CCDC9: variants seen among roughly 807,000 people sequenced by gnomAD.
The protein encoded by CCDC9 is coiled-coil domain containing 9, also known as coiled-coil domain-containing protein 9.
In CCDC9, 52 loss-of-function variants were observed where a neutral mutation model predicts 65.6. That is an observed-to-expected ratio of 0.79 (90% CI 0.63 to 1.00). The LOEUF is 1.00. Among genes scored for constraint, CCDC9 ranks in the 50% least tolerant of loss-of-function variants. The pLI, the probability that CCDC9 is intolerant of heterozygous loss-of-function variation, is 0.00. For synonymous variants in CCDC9, 332 were observed against 280.3 expected, an observed-to-expected ratio of 1.18 and a Z score of -1.84; for missense variants, 834 against 757.2, an observed-to-expected ratio of 1.10 and a Z score of -1.19.
downstream of CCDC9, chr19:47,274,491 T>G: frequency 6.5e-6 from 1 of 153,994 alleles, no homozygotes. Context: ...AGTAGAGCAG[T>G]CCGACAGGTA....
intron 3 of CCDC9, among the ~76,000 whole-genome samples, chr19:47,259,962 A>T (rs961868532): frequency 1.3e-5 from 2 of 152,204 alleles, no homozygotes; most frequent in Admixed American, 1.3e-4. Flanking sequence ...TGTTCCTGGC[A>T]GAGGGATCCG....
chr19:47,257,170 C>G (rs532733417), intron 1 of CCDC9, among the ~76,000 whole-genome samples: 1 of 150,324 alleles, frequency 6.7e-6, no homozygotes, highest in African/African-American at 2.5e-5. Context: ...GAGCCAGAAC[C>G]CTGGGGAAGC....
chr19:47,265,089 G>A (rs1440748404), intron 7 of CCDC9, 143 bp downstream of exon 7: 2 of 649,652 alleles, frequency 3.1e-6, no homozygotes, highest in Non-Finnish European at 4.5e-6. Context: ...ACGGATTCTC[G>A]CTCTGTCACC....
At chr19:47,266,833 A>G (rs757332323) in intron 8 of CCDC9, 41 bp downstream of exon 8, 8 of 1,568,820 alleles carry the variant, frequency 5.1e-6, no homozygotes, top group Non-Finnish European at 6.9e-6. Flanking sequence ...TGGCACGTTG[A>G]CCTTGGCCCT....
chr19:47,264,996 G>A (rs1271126851), intron 7 of CCDC9, 50 bp downstream of exon 7: 3 of 1,402,850 alleles, frequency 2.1e-6, no homozygotes, highest in Non-Finnish European at 2.8e-6. Flanking sequence ...CTTTGATGGG[G>A]ACTGCATAGC....
At chr19:47,270,920 C>G (rs549989438) in intron 10 of CCDC9, among the ~76,000 whole-genome samples, 162 bp from the exon 11 acceptor site, 1 of 152,190 alleles carries the variant, frequency 6.6e-6, no homozygotes, top group Admixed American at 6.5e-5. Flanking sequence ...GCCCCACTTT[C>G]GTTCTGTCCT....
In CCDC9 at chr19:47,264,932, G is replaced by C; in HGVS notation, c.706G>C (p.Glu236Gln). 6.9e-7 allele frequency: 1 copy of C among 1,450,664 alleles called. No homozygotes were observed. Among genetic ancestry groups the C allele is most frequent in the Non-Finnish European group, 9.0e-7 (1 of 1,105,462 alleles). The allele number at this position is 1,450,664 out of a possible 1,614,324, so 89.9% of individuals were successfully genotyped here. A position where few individuals can be genotyped will look rare whatever the true frequency, so the allele number is the denominator to read the frequency against. ...CTTCGAGCGGGTGCGCTGTGGCCTT[G>C]AGCACGAGCGGCAGGTGGGTGTTGG... ...PDFERVRCGLEHERQGRRAGL... is the reference protein window; with the variant it reads ...PDFERVRCGLQHERQGRRAGL... The change falls in exon 7 of 12, where the codon GAG becomes CAG. Residue 236 changes from glutamate (E) to glutamine (Q), a missense_variant. Physicochemically the swap from Glu to Gln is conservative, Grantham distance 29. Transcript: ENST00000221922.
chr19:47,258,452 G>A, intron 2 of CCDC9, 49 bp downstream of exon 2: 2 of 1,613,168 alleles, frequency 1.2e-6, no homozygotes, highest in East Asian at 2.2e-5. Flanking sequence ...GGGGAAGGGG[G>A]CTTGGGAGGA....
chr19:47,273,267 G>C (rs1185242474), downstream of CCDC9: 1 of 771,054 alleles, frequency 1.3e-6, no homozygotes, highest in African/African-American at 1.8e-5. Context: ...AACTGGATGA[G>C]AGACGTGGCT....
chr19:47,274,052 T>G (rs1022366649), downstream of CCDC9: 46 of 866,612 alleles, frequency 5.3e-5, no homozygotes, highest in Non-Finnish European at 6.4e-5. Flanking sequence ...GGGGTTTATC[T>G]GGATTTCCAG....
In CCDC9 at chr19:47,271,728, T is replaced by C. The variant is rs1016207402; in HGVS notation, c.*50T>C. 2.8e-5 allele frequency: 26 copies of C among 914,070 alleles called. No individual in the cohort carries two copies. In the East Asian group the frequency reaches 2.9e-4, roughly 10 times the overall value. 56.6% of individuals were successfully genotyped at this position (914,070 alleles called of 1,614,324 possible). A position where few individuals can be genotyped will look rare whatever the true frequency, so the allele number is the denominator to read the frequency against. Reference sequence around the variant, plus strand: ...GTGTGTGTGTGTGTGTGTGTGTGTGTGTGTGCGCGCGCGCGCGCGCGCGCG... The same window carrying C: ...GTGTGTGTGTGTGTGTGTGTGTGTGCGTGTGCGCGCGCGCGCGCGCGCGCG... On this transcript the variant is annotated 3_prime_UTR_variant, in exon 12 of 12. Coordinates refer to ENST00000221922, the MANE Select transcript of CCDC9 (RefSeq NM_015603.3).
In CCDC9 at chr19:47,264,674, G is replaced by T; in HGVS notation, c.534G>T (p.Glu178Asp). 1 of 1,604,958 alleles carries T rather than the reference G, an allele frequency of 6.2e-7. No individual in the cohort carries two copies. The highest frequency in any genetic ancestry group is 8.5e-7 in the Non-Finnish European group (1 of 1,175,916). The change falls in exon 6 of 12, where the codon GAG becomes GAT. Residue 178 changes from glutamate (E) to aspartate (D), a missense_variant. Transcript: ENST00000221922. Reference protein sequence around the residue: ...NEEMEKIAEYERNQREGVLEP... With the variant: ...NEEMEKIAEYDRNQREGVLEP... The stretch of plus-strand genomic sequence containing the variant: ...AGATGGAGAAGATCGCCGAGTATGA[G>T]CGCAACCAGCGGGTCAGTGGTGCGG...
intron 5 of CCDC9, among the ~76,000 whole-genome samples, chr19:47,263,179 CACCTA>C (rs2123455998): frequency 6.6e-6 from 1 of 152,014 alleles, no homozygotes; most frequent in Non-Finnish European, 1.5e-5. Flanking sequence ...GGGGGTAGGT[CACCTA>C]ACCATCTGCC....
chr19:47,271,364 A>C lies in CCDC9; in HGVS notation c.1282A>C (p.Ser428Arg). 1.9e-6 allele frequency: 3 copies of C among 1,613,656 alleles called. No individual in the cohort carries two copies. Among genetic ancestry groups the C allele is most frequent in the Non-Finnish European group, 2.5e-6 (3 of 1,179,818 alleles). ...AGAGGATGAAGAATGGGAGGACATA[A>C]GTGAGGATGAGGAAGAGGAGGAGAT... is the stretch of plus-strand genomic sequence containing the variant. ...GEEDEEWEDI[S>R]EDEEEEEIEV... Residue 428 changes from serine to arginine, a missense_variant, in exon 12 of 12, where the codon AGT becomes CGT. Transcript: ENST00000221922.
Position 47,270,697 on chromosome 19 carries a change from C to T in CCDC9, c.1085+9C>T, listed in dbSNP as rs201850534. On this transcript the variant is annotated intron_variant, in intron 10 of 11. Coordinates refer to ENST00000221922, the MANE Select transcript of CCDC9 (RefSeq NM_015603.3). ...GCGCCCAGGGCCTACAGGTGGGGCA[C>T]CCCTTCTGCGGGCTTGCATACCCCC... is the stretch of plus-strand genomic sequence containing the variant. 1.2e-6 allele frequency: 2 copies of T among 1,607,892 alleles called. No individual in the cohort carries two copies. Among genetic ancestry groups the T allele is most frequent in the Non-Finnish European group, 1.7e-6 (2 of 1,178,864 alleles).
In CCDC9 at chr19:47,271,439, C is replaced by A. The variant is rs765561910; in HGVS notation, c.1357C>A (p.Pro453Thr). The stretch of plus-strand genomic sequence containing the variant: ...GGAACCAGCCCAAGACCACCAAGCC[C>A]CAGAGGCTGCCCCCACCGGGATCCC... ...EEEPAQDHQA[P>T]EAAPTGIPCS... The change falls in exon 12 of 12, where the codon CCA (proline) becomes ACA (threonine). Residue 453 changes from proline (P) to threonine (T), a missense_variant. Pro to Thr is a conservative substitution (Grantham distance 38, BLOSUM62 -1). Coordinates refer to ENST00000221922, the MANE Select transcript of CCDC9 (RefSeq NM_015603.3). The A allele has an allele frequency of 6.2e-7, 1 of 1,613,798 alleles. No homozygotes were observed. Among genetic ancestry groups the A allele is most frequent in the Non-Finnish European group, 8.5e-7 (1 of 1,179,982 alleles).
At chr19:47,275,268 T>C (rs1051713286), downstream of CCDC9, 8 of 1,542,800 alleles carry the variant, frequency 5.2e-6, no homozygotes, top group Non-Finnish European at 7.0e-6. Context: ...CCGCCGCCGC[T>C]ACAGCGACCC....
At chr19:47,275,265 C>T (rs1391699696), downstream of CCDC9, 9 of 1,542,454 alleles carry the variant, frequency 5.8e-6, no homozygotes, top group Non-Finnish European at 7.0e-6. Context: ...CCGCCGCCGC[C>T]GCTACAGCGA....
downstream of CCDC9, among the ~76,000 whole-genome samples, chr19:47,272,312 TGGG>T (rs1227100566): frequency 4.6e-5 from 5 of 108,100 alleles, no homozygotes; most frequent in African/African-American, 1.8e-4. Context: ...CGGATAGGGA[TGGG>T]GGGCTGGAGC....
Sources: gnomAD v4.1 joint callset for allele counts (sites outside exome capture counted in the v4.1 genomes callset) on GRCh38, gnomAD v4.1.1 for gene constraint, MANE v1.5 for transcripts, NCBI Gene and HGNC (gene_info 2026-07-23, HGNC 2026-07-21) for gene names.